Variants in ITGBL1 observed in about 807,000 individuals in gnomAD.
ITGBL1 encodes the protein integrin beta-like protein 1.
Under a neutral mutation model 68.5 loss-of-function variants are expected in ITGBL1, and 51 were observed. The observed-to-expected ratio is 0.74, with a 90% CI of 0.59 to 0.94. The LOEUF is 0.94. Among genes scored for constraint, ITGBL1 ranks in the 40% least tolerant of loss-of-function variants. ITGBL1 has a pLI of 0.00. For missense variants in ITGBL1, 649 were observed against 647.4 expected (o/e 1.00, Z -0.03); for synonymous variants, 209 against 227.3 (o/e 0.92, Z 0.72).
chr13:101,564,686 A>C (rs1232734075), intron 2 of ITGBL1, among the ~76,000 whole-genome samples: 2 of 149,810 alleles, frequency 1.3e-5, no homozygotes, highest in African/African-American at 4.9e-5. Flanking sequence ...ATAAACATAC[A>C]TATACATGTA....
intron 9 of ITGBL1, among the ~76,000 whole-genome samples, chr13:101,709,370 T>TAAA (rs2034348966): frequency 1.1e-4 from 1 of 9,290 alleles, no homozygotes; most frequent in Non-Finnish European, 1.6e-4. Flanking sequence ...AGACTCCGTC[T>TAAA]CAAAAAAAAA....
chr13:101,555,994 T>G (rs2049999001), intron 2 of ITGBL1, among the ~76,000 whole-genome samples: 1 of 152,210 alleles, frequency 6.6e-6, no homozygotes, highest in African/African-American at 2.4e-5. Context: ...ACAGTTGTGT[T>G]AGGGCAACCT....
intron 7 of ITGBL1, among the ~76,000 whole-genome samples, chr13:101,654,297 G>C (rs550508287): frequency 6.6e-6 from 1 of 152,192 alleles, no homozygotes; most frequent in Non-Finnish European, 1.5e-5. Flanking sequence ...TTTTAGAAGG[G>C]GAAGGTGACA....
downstream of ITGBL1, chr13:101,717,083 G>A (rs536395653): frequency 7.3e-5 from 11 of 151,576 alleles, no homozygotes; most frequent in Non-Finnish European, 7.4e-5. Flanking sequence ...AATCATTTCC[G>A]TATTACTTTA....
rs201208631 is a variant in ITGBL1 at position 101,607,732 on chromosome 13, A to G, written c.1015+9433A>G. Reference sequence around the variant, plus strand: ...AGAAAAGTCTTCTTCCCCCACCACTAGTGACAATTTAAATTATCAGTTAGC... The same window carrying G: ...AGAAAAGTCTTCTTCCCCCACCACTGGTGACAATTTAAATTATCAGTTAGC... On this transcript the variant is annotated intron_variant, in intron 7 of 10. Coordinates refer to ENST00000376180, the MANE Select transcript of ITGBL1 (RefSeq NM_004791.3). Among the ~76,000 whole-genome samples, 5 of 152,096 alleles carry G rather than the reference A, an allele frequency of 3.3e-5. No homozygotes were observed. In the East Asian group the frequency reaches 9.6e-4, roughly 29 times the overall value.
chr13:101,709,805 A>G (rs1479130293), intron 9 of ITGBL1, among the ~76,000 whole-genome samples: 1 of 152,224 alleles, frequency 6.6e-6, no homozygotes, highest in Non-Finnish European at 1.5e-5. Flanking sequence ...AGACCTGTCC[A>G]ACTGCGAGTA....
At chr13:101,699,751 G>A (rs2034091023) in intron 8 of ITGBL1, among the ~76,000 whole-genome samples, 1 of 152,190 alleles carries the variant, frequency 6.6e-6, no homozygotes, top group Admixed American at 6.5e-5. Flanking sequence ...CCATGTAGAT[G>A]ATTCTCCAAC....
intron 2 of ITGBL1, among the ~76,000 whole-genome samples, chr13:101,471,971 GAAAT>G (rs1181345994): frequency 2.0e-5 from 3 of 151,086 alleles, no homozygotes; most frequent in East Asian, 3.9e-4. Context: ...ATTTAATTTG[GAAAT>G]AAATACATTT....
chr13:101,622,268 A>G (rs551979453), intron 7 of ITGBL1, among the ~76,000 whole-genome samples: 3 of 152,290 alleles, frequency 2.0e-5, no homozygotes, highest in Non-Finnish European at 2.9e-5. Context: ...TAATAATCTC[A>G]TCAACCTCAT....
intron 7 of ITGBL1, among the ~76,000 whole-genome samples, chr13:101,639,042 T>C (rs1029079027): frequency 3.3e-5 from 5 of 152,162 alleles, no homozygotes; most frequent in African/African-American, 7.2e-5. Context: ...AAGTAGATGC[T>C]GTGGCTTACA....
At chr13:101,454,238 C>T (rs2048208172) in intron 2 of ITGBL1, 138 bp downstream of exon 2, 2 of 486,836 alleles carry the variant, frequency 4.1e-6, no homozygotes, top group East Asian at 3.5e-5. Flanking sequence ...GATTGTCACA[C>T]TTTGGCTAGT....
At chr13:101,514,297 C>A (rs911563322) in intron 2 of ITGBL1, among the ~76,000 whole-genome samples, 9 of 152,218 alleles carry the variant, frequency 5.9e-5, no homozygotes, top group Admixed American at 3.9e-4. Flanking sequence ...ATGTTAACAT[C>A]TGTTAAAAAT....
At chr13:101,482,903 A>G (rs1483226655) in intron 2 of ITGBL1, among the ~76,000 whole-genome samples, 3 of 152,122 alleles carry the variant, frequency 2.0e-5, no homozygotes, top group African/African-American at 7.2e-5. Flanking sequence ...AAAACTGTGA[A>G]TTCTCAGTTT....
chr13:101,706,854 A>G lies in ITGBL1; in HGVS notation c.1231A>G (p.Ser411Gly). 1.2e-6 allele frequency: 2 copies of G among 1,614,204 alleles called. No individual in the cohort carries two copies. Among genetic ancestry groups the G allele is most frequent in the Non-Finnish European group, 8.5e-7 (1 of 1,180,026 alleles). ...PRKCNMTEEQ[S>G]KNLCESADGI... ...GAAGTGTAACATGACGGAAGAACAA[A>G]GCAAGAATCTGTGTGAATCAGCAGA... The change falls in exon 9 of 11, where the codon AGC becomes GGC. Residue 411 changes from serine to glycine, a missense_variant. Coordinates refer to ENST00000376180, the MANE Select transcript of ITGBL1 (RefSeq NM_004791.3).
intron 7 of ITGBL1, among the ~76,000 whole-genome samples, chr13:101,603,558 T>C (rs1044988452): frequency 6.6e-6 from 1 of 151,920 alleles, no homozygotes; most frequent in African/African-American, 2.4e-5. Context: ...TCAGACTGCT[T>C]AGTTACCAAC....
At chr13:101,548,678 C>G (rs568179367) in intron 2 of ITGBL1, among the ~76,000 whole-genome samples, 1 of 151,612 alleles carries the variant, frequency 6.6e-6, no homozygotes, top group South Asian at 2.1e-4. Flanking sequence ...ATTTAACTAT[C>G]ATTAACTTGA....
intron 7 of ITGBL1, among the ~76,000 whole-genome samples, chr13:101,651,389 T>C (rs1473197265): frequency 6.6e-6 from 1 of 152,048 alleles, no homozygotes; most frequent in Non-Finnish European, 1.5e-5. Flanking sequence ...TACGTTTCTC[T>C]AATGATCAGT....
At chr13:101,502,915 G>T (rs1395181834) in intron 2 of ITGBL1, among the ~76,000 whole-genome samples, 2 of 152,166 alleles carry the variant, frequency 1.3e-5, no homozygotes, top group Non-Finnish European at 2.9e-5. Context: ...TTGTTCCTTA[G>T]TGTTTTTCCA....
At chr13:101,460,627 A>G (rs917731207) in intron 2 of ITGBL1, among the ~76,000 whole-genome samples, 1 of 152,204 alleles carries the variant, frequency 6.6e-6, no homozygotes, top group Non-Finnish European at 1.5e-5. Flanking sequence ...GCTGTAAAAG[A>G]ATACCTGAGA....
Sources: gnomAD v4.1 joint callset for allele counts (sites outside exome capture counted in the v4.1 genomes callset) on GRCh38, gnomAD v4.1.1 for gene constraint, MANE v1.5 for transcripts, NCBI Gene and HGNC (gene_info 2026-07-23, HGNC 2026-07-21) for gene names.